Variants in MACROD2 observed in about 807,000 individuals in gnomAD.
MACROD2 encodes the protein mono-ADP ribosylhydrolase 2, also known as ADP-ribose glycohydrolase MACROD2.
Under a neutral mutation model 70.4 loss-of-function variants are expected in MACROD2, and 36 were observed. That is an observed-to-expected ratio of 0.51 (90% CI 0.39 to 0.68). The LOEUF is 0.68. MACROD2 is among the 30% of genes least tolerant of loss of function. The pLI is 0.00. For synonymous variants in MACROD2, 172 were observed against 178.8 expected (o/e 0.96, Z 0.30); for missense variants, 496 against 538.4 (o/e 0.92, Z 0.78).
intron 8 of MACROD2, among the ~76,000 whole-genome samples, chr20:15,532,854 C>T (rs1233745160): frequency 6.6e-6 from 1 of 152,058 alleles, no homozygotes; most frequent in African/African-American, 2.4e-5. Flanking sequence ...TTCTGGTTCT[C>T]ATCTGTCAAT....
At chr20:15,988,987 G>C (rs892340300) in intron 15 of MACROD2, among the ~76,000 whole-genome samples, 5 of 152,140 alleles carry the variant, frequency 3.3e-5, no homozygotes, top group African/African-American at 1.2e-4. Context: ...GACAAGCTGG[G>C]TGACTTTGGA....
intron 8 of MACROD2, among the ~76,000 whole-genome samples, chr20:15,627,050 G>A (rs190048285): frequency 2.0e-5 from 3 of 152,258 alleles, no homozygotes; most frequent in Admixed American, 2.0e-4. Context: ...GATAGACTGA[G>A]ATTTGAAATG....
intron 2 of MACROD2, chr20:14,053,100 T>C (rs2053590502): frequency 6.6e-6 from 1 of 151,120 alleles, no homozygotes; most frequent in Admixed American, 6.6e-5. Flanking sequence ...TTTTTCTAGC[T>C]TGGGCTCTAG....
chr20:15,431,311 A>T, intron 6 of MACROD2, 94 bp from the exon 7 acceptor site: 1 of 1,119,658 alleles, frequency 8.9e-7, no homozygotes, highest in East Asian at 2.4e-5. Flanking sequence ...AGTAGAGGGC[A>T]TCCCATTATC....
chr20:14,658,042 G>A (rs1222014597), intron 4 of MACROD2, among the ~76,000 whole-genome samples: 2 of 150,350 alleles, frequency 1.3e-5, no homozygotes, highest in African/African-American at 4.9e-5. Context: ...TGTAGTAACT[G>A]CATTGCAGTT....
chr20:14,506,623 A>T (rs1197319316), intron 4 of MACROD2, among the ~76,000 whole-genome samples: 3 of 152,130 alleles, frequency 2.0e-5, no homozygotes, highest in African/African-American at 7.2e-5. Flanking sequence ...ACAACTCCAA[A>T]ACCTTCCAGC....
chr20:15,065,002 A>G (rs375084862), intron 5 of MACROD2, among the ~76,000 whole-genome samples: 2 of 152,156 alleles, frequency 1.3e-5, no homozygotes, highest in African/African-American at 4.8e-5. Flanking sequence ...ACATTATCTT[A>G]TACTGCAGTT....
At position 14,322,175 on chromosome 20, in the gene MACROD2, A is replaced by AATATATATATATATAT. The variant is rs374464781; in HGVS notation, c.272-171293_272-171278dup. Among the ~76,000 whole-genome samples, 373 of 66,322 alleles carry AATATATATATATATAT rather than the reference A, an allele frequency of 5.6e-3. 24 individuals carry two copies. The highest frequency in any genetic ancestry group is 7.2e-3 in the African/African-American group (158 of 21,870). The allele number at this position is 66,322 out of a possible 152,430, so 43.5% of individuals were successfully genotyped here. On this transcript the variant is annotated intron_variant, in intron 3 of 17. Transcript: ENST00000684519. The stretch of plus-strand genomic sequence containing the variant: ...GACTTGTATCTTGATATTCTATTGA[A>AATATATATATATATAT]ATATATATATATATATATATATATA...
chr20:15,120,257 G>C (rs1395478925), intron 5 of MACROD2, among the ~76,000 whole-genome samples: 2 of 47,776 alleles, frequency 4.2e-5, no homozygotes, highest in Admixed American at 3.5e-4. Flanking sequence ...TATTTTTAAG[G>C]GGGAGTGTGT....
intron 8 of MACROD2, among the ~76,000 whole-genome samples, chr20:15,565,311 G>T (rs2048296113): frequency 6.6e-6 from 1 of 152,148 alleles, no homozygotes; most frequent in South Asian, 2.1e-4. Context: ...GTCTAAAGTT[G>T]CTTTTAGGTT....
At chr20:14,748,862 C>T (rs1432294614) in intron 5 of MACROD2, among the ~76,000 whole-genome samples, 1 of 152,042 alleles carries the variant, frequency 6.6e-6, no homozygotes, top group African/African-American at 2.4e-5. Context: ...ATCCATGCAC[C>T]ACGGTAGTCT....
intron 7 of MACROD2, among the ~76,000 whole-genome samples, chr20:15,436,092 C>G (rs573257429): frequency 6.6e-6 from 1 of 152,072 alleles, no homozygotes; most frequent in African/African-American, 2.4e-5. Flanking sequence ...TCATAACCTT[C>G]TGTTTCAGTA....
At chr20:14,264,164 C>T (rs2061011879) in intron 3 of MACROD2, among the ~76,000 whole-genome samples, 1 of 1,050 alleles carries the variant, frequency 9.5e-4, no homozygotes, top group African/African-American at 9.3e-3. Flanking sequence ...CATTTCTAGA[C>T]AAGAAGTTGC....
intron 13 of MACROD2, among the ~76,000 whole-genome samples, chr20:15,970,526 C>A (rs982819643): frequency 6.6e-6 from 1 of 151,994 alleles, no homozygotes; most frequent in Non-Finnish European, 1.5e-5. Flanking sequence ...ATGAGGTGAG[C>A]CCTGTGATTG....
chr20:15,734,363 A>G (rs2050989669), intron 8 of MACROD2, among the ~76,000 whole-genome samples: 1 of 152,180 alleles, frequency 6.6e-6, no homozygotes, highest in Non-Finnish European at 1.5e-5. Flanking sequence ...AACAAAAGCC[A>G]CCATAACTGA....
At chr20:14,709,725 A>G (rs1323978864) in intron 5 of MACROD2, among the ~76,000 whole-genome samples, 1 of 152,204 alleles carries the variant, frequency 6.6e-6, no homozygotes, top group Admixed American at 6.5e-5. Context: ...TAACTTACAT[A>G]CATTACATTC....
intron 8 of MACROD2, among the ~76,000 whole-genome samples, chr20:15,584,212 C>G: frequency 6.6e-6 from 1 of 152,170 alleles, no homozygotes; most frequent in East Asian, 1.9e-4. Context: ...AAAACAGTTT[C>G]AGAGAGTGGG....
At chr20:14,018,676 C>T (rs912225518) in intron 2 of MACROD2, among the ~76,000 whole-genome samples, 14 of 152,208 alleles carry the variant, frequency 9.2e-5, no homozygotes, top group Non-Finnish European at 4.4e-5. Context: ...CTTTTCTCTT[C>T]GTTGGTCTCA....
chr20:14,712,537 GC>G (rs1313151578), intron 5 of MACROD2, among the ~76,000 whole-genome samples: 1 of 152,120 alleles, frequency 6.6e-6, no homozygotes, highest in African/African-American at 2.4e-5. Flanking sequence ...ATTTAGAGAA[GC>G]TGATATCAGA....
Sources: gnomAD v4.1 joint callset for allele counts (sites outside exome capture counted in the v4.1 genomes callset) on GRCh38, gnomAD v4.1.1 for gene constraint, MANE v1.5 for transcripts, NCBI Gene and HGNC (gene_info 2026-07-23, HGNC 2026-07-21) for gene names.